Variants in CDH6 observed in about 807,000 individuals in gnomAD.
The protein encoded by CDH6 is cadherin-6.
In CDH6, 31 loss-of-function variants were observed where a neutral mutation model predicts 78.0. The observed-to-expected ratio is 0.40, with a 90% CI of 0.30 to 0.54. The LOEUF (loss-of-function observed/expected upper bound fraction) is 0.54, where lower values mean the gene tolerates loss of function less well. Ranked by LOEUF, CDH6 falls within the 20% of genes least tolerant of loss-of-function variation. The pLI is 0.56. For missense variants in CDH6, 724 were observed against 975.9 expected, an observed-to-expected ratio of 0.74 and a Z score of 3.44; for synonymous variants, 376 against 368.8, an observed-to-expected ratio of 1.02 and a Z score of -0.23.
intron 2 of CDH6, among the ~76,000 whole-genome samples, chr5:31,273,743 AT>A (rs1333063178): frequency 7.1e-5 from 10 of 141,808 alleles, no homozygotes; most frequent in South Asian, 2.3e-4. Context: ...AGAAAAAAAA[AT>A]TTTTTTAAAG....
At chr5:31,243,118 T>C (rs1364363475) in intron 1 of CDH6, among the ~76,000 whole-genome samples, 5 of 152,144 alleles carry the variant, frequency 3.3e-5, no homozygotes, top group Non-Finnish European at 7.4e-5. Context: ...CCTAGTATAA[T>C]ACCCTTAGAC....
At chr5:31,314,554 T>C (rs1738252039) in intron 8 of CDH6, among the ~76,000 whole-genome samples, 2 of 151,956 alleles carry the variant, frequency 1.3e-5, no homozygotes. Context: ...ATGGGCAAAA[T>C]GAAGCATTGC....
intron 1 of CDH6, among the ~76,000 whole-genome samples, chr5:31,199,685 G>GTGTATATATATA (rs796740950): frequency 0.028 from 2,218 of 79,548 alleles, 55 homozygotes; most frequent in South Asian, 0.04. Flanking sequence ...GTGTGTGTGT[G>GTGTATATATATA]TATATATATA....
intron 2 of CDH6, among the ~76,000 whole-genome samples, chr5:31,269,362 G>C (rs191007004): frequency 6.6e-6 from 1 of 151,804 alleles, no homozygotes; most frequent in Non-Finnish European, 1.5e-5. Context: ...AATTATAATT[G>C]TGAGAATATT....
In CDH6 at chr5:31,327,466, G is replaced by C. The variant is rs1406620560; in HGVS notation, c.*4158G>C. The C allele has an allele frequency of 5.2e-6, 1 of 191,510 alleles. No homozygotes were observed. The highest frequency in any genetic ancestry group is 2.3e-5 in the African/African-American group (1 of 43,030). The allele number at this position is 191,510 out of a possible 1,614,324, so 11.9% of individuals were successfully genotyped here. A position where few individuals can be genotyped will look rare whatever the true frequency, so the allele number is the denominator to read the frequency against. ...ATTATAGTGTAATCTTAATTTTTATGTTTTATCAAGATGAAATCTTGTTTG... is the reference window on the plus strand; with the variant it reads ...ATTATAGTGTAATCTTAATTTTTATCTTTTATCAAGATGAAATCTTGTTTG... On this transcript the variant is annotated 3_prime_UTR_variant, in exon 12 of 12. Coordinates refer to ENST00000265071, the MANE Select transcript of CDH6 (RefSeq NM_004932.4).
At chr5:31,289,620 A>G (rs1279763296) in intron 2 of CDH6, among the ~76,000 whole-genome samples, 1 of 152,154 alleles carries the variant, frequency 6.6e-6, no homozygotes, top group Non-Finnish European at 1.5e-5. Flanking sequence ...CCGTTTCTCC[A>G]CACCCTCACC....
chr5:31,302,023 A>C (rs1016491422), intron 5 of CDH6, 88 bp from the exon 6 acceptor site: 10 of 817,848 alleles, frequency 1.2e-5, no homozygotes, highest in Non-Finnish European at 1.5e-5. Context: ...TAATGTCTTA[A>C]AGAACTGTTA....
chr5:31,323,142 C>T lies in CDH6; in HGVS notation c.2207C>T (p.Ala736Val), dbSNP rs1275773579. 6.2e-7 allele frequency: 1 copy of T among 1,614,172 alleles called. No individual in the cohort carries two copies. Among genetic ancestry groups the T allele is most frequent in the Non-Finnish European group, 8.5e-7 (1 of 1,180,040 alleles). Residue 736 changes from alanine (A) to valine (V), a missense_variant, in exon 12 of 12, where the codon GCC (alanine) becomes GTC (valine). Physicochemically the swap from Ala to Val is moderately conservative, Grantham distance 64. Coordinates refer to ENST00000265071, the MANE Select transcript of CDH6 (RefSeq NM_004932.4). ...ACTGCCCCGCCATACGACTCCTTGG[C>T]CACTTACGCCTATGAAGGCACTGGC... ...DPTAPPYDSL[A>V]TYAYEGTGSV...
intron 2 of CDH6, among the ~76,000 whole-genome samples, chr5:31,285,405 T>G (rs1742984177): frequency 6.6e-6 from 1 of 152,234 alleles, no homozygotes. Context: ...TACAAGTTCC[T>G]TCTATGCTAT....
rs1055070068 is a variant in CDH6 at position 31,325,492 on chromosome 5, C to T, written c.*2184C>T. On this transcript the variant is annotated 3_prime_UTR_variant, in exon 12 of 12. Coordinates refer to ENST00000265071, the MANE Select transcript of CDH6 (RefSeq NM_004932.4). ...GCAATAGAACAGCACCTTAATCACA[C>T]GATTTACTGTAAAATTAAAGAGGTC... 3.0e-5 allele frequency: 7 copies of T among 230,398 alleles called. No individual in the cohort carries two copies. Among genetic ancestry groups the T allele is most frequent in the African/African-American group, 4.4e-5 (2 of 45,174 alleles). The allele number at this position is 230,398 out of a possible 1,614,324, so 14.3% of individuals were successfully genotyped here. A position where few individuals can be genotyped will look rare whatever the true frequency, so the allele number is the denominator to read the frequency against.
chr5:31,300,709 T>C (rs1454194558), intron 5 of CDH6, among the ~76,000 whole-genome samples: 1 of 152,176 alleles, frequency 6.6e-6, no homozygotes, highest in South Asian at 2.1e-4. Flanking sequence ...CAGGAATTTG[T>C]AACTCACTCT....
chr5:31,209,175 A>G (rs572823898), intron 1 of CDH6, among the ~76,000 whole-genome samples: 3 of 152,338 alleles, frequency 2.0e-5, no homozygotes, highest in African/African-American at 7.2e-5. Flanking sequence ...TTTTTTTAAC[A>G]TAAGTGAATT....
intron 2 of CDH6, among the ~76,000 whole-genome samples, chr5:31,292,849 G>GTT (rs1737443084): frequency 7.4e-5 from 1 of 13,518 alleles, no homozygotes; most frequent in Non-Finnish European, 1.2e-4. Context: ...ATATATATGT[G>GTT]TGCATATATA....
intron 1 of CDH6, among the ~76,000 whole-genome samples, chr5:31,199,336 A>T (rs563517903): frequency 2.9e-4 from 44 of 150,434 alleles, no homozygotes; most frequent in Non-Finnish European, 6.1e-4. Context: ...ATGTGTGTGT[A>T]TATACATATG....
chr5:31,316,521 T>C (rs563961734), intron 9 of CDH6, among the ~76,000 whole-genome samples, 192 bp downstream of exon 9: 6 of 152,354 alleles, frequency 3.9e-5, no homozygotes, highest in Admixed American at 3.3e-4. Flanking sequence ...TGGAAGTTCA[T>C]CAAAGACTGA....
Position 31,326,338 on chromosome 5 carries a change from A to T in CDH6, c.*3030A>T, listed in dbSNP as rs1738624465. ...ATATTCCCTAGAATAAGCTGAATTT[A>T]AAAAAACATTAAGCCATTGTTTAAA... On this transcript the variant is annotated 3_prime_UTR_variant, in exon 12 of 12. Coordinates refer to ENST00000265071, the MANE Select transcript of CDH6 (RefSeq NM_004932.4). 4.6e-6 allele frequency: 1 copy of T among 215,266 alleles called. No homozygotes were observed. Among genetic ancestry groups the T allele is most frequent in the Non-Finnish European group, 9.4e-6 (1 of 106,764 alleles). The allele number at this position is 215,266 out of a possible 1,614,324, so 13.3% of individuals were successfully genotyped here.
At chr5:31,313,495 A>G (rs776760199) in intron 8 of CDH6, 41 bp downstream of exon 8, 20 of 1,569,834 alleles carry the variant, frequency 1.3e-5, no homozygotes, top group Non-Finnish European at 2.6e-6. Flanking sequence ...CTATTAATAG[A>G]CTGAGTGTCC....
chr5:31,288,304 A>C (rs747507036), intron 2 of CDH6, among the ~76,000 whole-genome samples: 9 of 152,240 alleles, frequency 5.9e-5, no homozygotes, highest in Non-Finnish European at 1.3e-4. Context: ...AAATTAGTTA[A>C]CTCATGCCAA....
At position 31,327,139 on chromosome 5, in the gene CDH6, G is replaced by T. The variant is rs1231034097; in HGVS notation, c.*3831G>T. On this transcript the variant is annotated 3_prime_UTR_variant, in exon 12 of 12. Coordinates refer to ENST00000265071, the MANE Select transcript of CDH6 (RefSeq NM_004932.4). ...ATATCTCACATCAAATGCTTTGCCT[G>T]GAAATAGATATCCCACTGGGGATAG... The T allele has an allele frequency of 1.1e-5, 2 of 183,954 alleles. No homozygotes were observed. The highest frequency in any genetic ancestry group is 6.2e-5 in the Admixed American group (1 of 16,034). 11.4% of individuals were successfully genotyped at this position (183,954 alleles called of 1,614,324 possible). A position where few individuals can be genotyped will look rare whatever the true frequency, so the allele number is the denominator to read the frequency against.
Sources: allele counts gnomAD v4.1 joint callset (sites outside exome capture counted in the v4.1 genomes callset), GRCh38; gene constraint gnomAD v4.1.1; transcripts MANE v1.5; gene names NCBI Gene and HGNC (gene_info 2026-07-23, HGNC 2026-07-21).